DNM3: variants seen among roughly 807,000 people sequenced by gnomAD.
The protein encoded by DNM3 is dynamin-3.
DNM3 carries 47 observed loss-of-function variants against 101.6 expected under a neutral mutation model. That is an observed-to-expected ratio of 0.46 (90% CI 0.37 to 0.59). The LOEUF is 0.59. DNM3 is among the 20% of genes least tolerant of loss of function. DNM3 has a pLI of 0.00. For missense variants in DNM3, 849 were observed against 1,085.7 expected (o/e 0.78, Z 3.06); for synonymous variants, 385 against 387.9 (o/e 0.99, Z 0.09).
intron 10 of DNM3, among the ~76,000 whole-genome samples, chr1:172,060,207 A>T (rs2051057793): frequency 7.4e-6 from 1 of 135,234 alleles, no homozygotes. Context: ...GGATACAAAC[A>T]AATGGAAGGA....
chr1:171,901,132 G>GAAAAAA (rs2038306442), intron 1 of DNM3, among the ~76,000 whole-genome samples: 2 of 97,426 alleles, frequency 2.1e-5, no homozygotes, highest in African/African-American at 3.8e-5. Flanking sequence ...AAAAAAAAAA[G>GAAAAAA]AAAGAAATCT....
At chr1:172,352,976 A>G (rs138514797) in intron 17 of DNM3, among the ~76,000 whole-genome samples, 88 of 152,282 alleles carry the variant, frequency 5.8e-4, no homozygotes, top group African/African-American at 2.0e-3. Context: ...CTGTTTCCCC[A>G]TTCAGCACAG....
chr1:171,863,284 C>T (rs4500358), intron 1 of DNM3, among the ~76,000 whole-genome samples: 88,453 of 151,648 alleles, frequency 0.58, 26,014 homozygotes, highest in East Asian at 0.8. Flanking sequence ...ATATCTTATC[C>T]ACTGTAACTG....
intron 15 of DNM3, among the ~76,000 whole-genome samples, chr1:172,296,294 G>A (rs1408156416): frequency 6.6e-6 from 1 of 152,202 alleles, no homozygotes; most frequent in African/African-American, 2.4e-5. Flanking sequence ...ATTCAGACAA[G>A]TCTCTCCACC....
At chr1:172,359,202 A>G (rs1032584635) in intron 17 of DNM3, among the ~76,000 whole-genome samples, 3 of 150,946 alleles carry the variant, frequency 2.0e-5, no homozygotes, top group Admixed American at 6.6e-5. Flanking sequence ...TTTCTAAGTG[A>G]TGGGAGCTGC....
chr1:172,373,915 A>C lies in DNM3; in HGVS notation c.1894-5103A>C, dbSNP rs933147445. On this transcript the variant is annotated intron_variant, in intron 17 of 20. Transcript: ENST00000627582. ...CATCTTCACAAAGTTATTTTTCTGT[A>C]AACTAAAGGTTTGCCTAAATTGAGA... Among the ~76,000 whole-genome samples, 37 of 152,214 alleles carry C rather than the reference A, an allele frequency of 2.4e-4. 1 individual carries two copies. The highest frequency in any genetic ancestry group is 2.4e-3 in the Admixed American group (36 of 15,264).
chr1:171,959,604 A>G (rs1052371397), intron 2 of DNM3, among the ~76,000 whole-genome samples: 7 of 152,162 alleles, frequency 4.6e-5, no homozygotes, highest in Non-Finnish European at 1.0e-4. Flanking sequence ...AAGAATTAAA[A>G]ACAACAACAA....
At chr1:172,234,742 G>A (rs879342701) in intron 14 of DNM3, among the ~76,000 whole-genome samples, 88 of 151,834 alleles carry the variant, frequency 5.8e-4, no homozygotes, top group African/African-American at 9.9e-4. Context: ...GATCTACACC[G>A]ATCTGATCTT....
Position 172,411,274 on chromosome 1 carries a change from C to T in DNM3, c.*3433C>T, listed in dbSNP as rs2071188034. ...TGAGGTATACAAAATTTTCTAACTC[C>T]AGATTGTAGTCATTTTGAGAGGTAC... On this transcript the variant is annotated 3_prime_UTR_variant, in exon 21 of 21. Coordinates refer to ENST00000627582, the MANE Select transcript of DNM3 (RefSeq NM_015569.5). The T allele has an allele frequency of 3.0e-6, 3 of 984,944 alleles. No homozygotes were observed. In the South Asian group the frequency reaches 1.4e-4, roughly 46 times the overall value. The allele number at this position is 984,944 out of a possible 1,614,324, so 61.0% of individuals were successfully genotyped here.
intron 13 of DNM3, among the ~76,000 whole-genome samples, chr1:172,097,096 T>C (rs573911541): frequency 2.0e-5 from 3 of 151,834 alleles, no homozygotes; most frequent in South Asian, 4.2e-4. Flanking sequence ...TAAGGGGAGA[T>C]GAGAGCAGAA....
At chr1:172,415,241 T>C (rs2071386609), downstream of DNM3, 1 of 152,228 alleles carries the variant, frequency 6.6e-6, no homozygotes, top group Non-Finnish European at 1.5e-5. Flanking sequence ...GAGACATACA[T>C]GCATTGAGTC....
intron 14 of DNM3, among the ~76,000 whole-genome samples, chr1:172,246,377 T>A (rs959071512): frequency 6.6e-5 from 10 of 151,526 alleles, no homozygotes; most frequent in African/African-American, 2.2e-4. Context: ...CTTGTCAGAA[T>A]TTTTTTTTAA....
chr1:172,144,548 C>T (rs1248379323), intron 14 of DNM3: 1 of 513,908 alleles, frequency 1.9e-6, no homozygotes, highest in South Asian at 1.5e-5. Context: ...TCTCCCTTGC[C>T]CAGTCTAACC....
downstream of DNM3, among the ~76,000 whole-genome samples, chr1:172,413,619 T>C (rs1349751760): frequency 6.6e-6 from 1 of 152,098 alleles, no homozygotes; most frequent in African/African-American, 2.4e-5. Context: ...AGAGGAAGAC[T>C]CTCTATTACA....
chr1:172,010,733 T>A (rs1218610359), intron 4 of DNM3, among the ~76,000 whole-genome samples: 1 of 148,550 alleles, frequency 6.7e-6, no homozygotes, highest in Admixed American at 6.8e-5. Flanking sequence ...TAGCTGATGT[T>A]CTTTGAGCTT....
intron 2 of DNM3, among the ~76,000 whole-genome samples, chr1:171,974,193 C>A (rs2044214755): frequency 6.6e-6 from 1 of 152,100 alleles, no homozygotes; most frequent in Non-Finnish European, 1.5e-5. Flanking sequence ...TGCAGTATTT[C>A]AAATCAGTTT....
At position 171,878,114 on chromosome 1, in the gene DNM3, A is replaced by G. The variant is rs1483766755; in HGVS notation, c.161+36297A>G. On this transcript the variant is annotated intron_variant, in intron 1 of 20. Transcript: ENST00000627582. ...AAATTTTTATTTAAAAATATAACAC[A>G]TGAAATAATTTAAGAAAAATGAAAG... Among the ~76,000 whole-genome samples the G allele has an allele frequency of 2.4e-5, 3 of 122,674 alleles. No individual in the cohort carries two copies. The East Asian group carries it at 6.5e-4, about 27-fold the overall frequency. The allele number at this position is 122,674 out of a possible 152,430, so 80.5% of individuals were successfully genotyped here. A position where few individuals can be genotyped will look rare whatever the true frequency, so the allele number is the denominator to read the frequency against.
intron 4 of DNM3, among the ~76,000 whole-genome samples, chr1:171,995,357 G>C (rs544642296): frequency 6.6e-6 from 1 of 151,582 alleles, no homozygotes; most frequent in Non-Finnish European, 1.5e-5. Context: ...CACCCACCTC[G>C]ACCTCCCAAA....
intron 14 of DNM3, among the ~76,000 whole-genome samples, chr1:172,149,134 C>T (rs947313671): frequency 1.3e-5 from 2 of 152,138 alleles, no homozygotes; most frequent in Non-Finnish European, 2.9e-5. Context: ...TTAAAACGTA[C>T]ATTTACGGAC....
Sources: allele counts gnomAD v4.1 joint callset (sites outside exome capture counted in the v4.1 genomes callset), GRCh38; gene constraint gnomAD v4.1.1; transcripts MANE v1.5; gene names NCBI Gene and HGNC (gene_info 2026-07-23, HGNC 2026-07-21).